The following SLC25A38 variants were observed in gnomAD, a reference collection of about 807,000 sequenced individuals.
SLC25A38 encodes mitochondrial glycine transporter.
SLC25A38 carries 27 observed loss-of-function variants against 33.4 expected under a neutral mutation model. That is an observed-to-expected ratio of 0.81 (90% CI 0.60 to 1.11). SLC25A38 has a LOEUF of 1.11. Ranked by LOEUF, SLC25A38 falls within the 50% of genes most tolerant of loss-of-function variation. SLC25A38 has a pLI of 0.00. For synonymous variants in SLC25A38, 123 were observed against 145.9 expected (o/e 0.84, Z 1.13); for missense variants, 344 against 388.8 (o/e 0.88, Z 0.97).
rs778637011 is a variant in SLC25A38, at chr3:39,391,514, G to T, written c.350G>T (p.Arg117Leu). 1.5e-5 allele frequency: 24 copies of T among 1,614,144 alleles called. No individual in the cohort carries two copies. The highest frequency in any genetic ancestry group is 3.3e-4 in the Middle Eastern group (2 of 6,058). ...TACTCTTTGAAGCAGTATTTCTTGC[G>T]AGGCCATCCCCCAACCGCCCTGGAG... ...TLYSLKQYFL[R>L]GHPPTALESV... Residue 117 changes from arginine to leucine, a missense_variant, in exon 4 of 7, where the codon CGA becomes CTA. Arg to Leu is a moderately radical substitution (Grantham distance 102). Transcript: ENST00000650617.
chr3:39,388,288 T>A (rs1207557316), intron 1 of SLC25A38: 1 of 152,254 alleles, frequency 6.6e-6, no homozygotes, highest in African/African-American at 2.4e-5. Context: ...CACCCTTTGG[T>A]ACTTCAGAAG....
At position 39,392,173 on chromosome 3, in the gene SLC25A38, G is replaced by C. The variant is rs1459839374; in HGVS notation, c.625+152G>C. 234 of 1,036,772 alleles carry C rather than the reference G, an allele frequency of 2.3e-4. 1 individual carries two copies. The East Asian group carries it at 6.0e-3, about 27-fold the overall frequency. 64.2% of individuals were successfully genotyped at this position (1,036,772 alleles called of 1,614,324 possible). A position where few individuals can be genotyped will look rare whatever the true frequency, so the allele number is the denominator to read the frequency against. ...TGTCAGGAACTGGGATGCAAAGGTG[G>C]ATATGACAAACTTGATCCCTGCCCT... On this transcript the variant is annotated intron_variant, in intron 5 of 6. Transcript: ENST00000650617.
At chr3:39,387,682 A>G in intron 1 of SLC25A38, 1 of 152,754 alleles carries the variant, frequency 6.5e-6, no homozygotes, top group Non-Finnish European at 1.5e-5. Context: ...GGGAGAGGCC[A>G]GCCTGGGCTG....
Position 39,396,769 on chromosome 3 carries a change from C to A in SLC25A38, c.*249C>A. 1 of 546,920 alleles carries A rather than the reference C, an allele frequency of 1.8e-6. No homozygotes were observed. The highest frequency in any genetic ancestry group is 2.0e-5 in the South Asian group (1 of 50,272). The allele number at this position is 546,920 out of a possible 1,614,324, so 33.9% of individuals were successfully genotyped here. On this transcript the variant is annotated 3_prime_UTR_variant, in exon 7 of 7. Coordinates refer to ENST00000650617, the MANE Select transcript of SLC25A38 (RefSeq NM_017875.4). ...GGGTGTTAGGAGAGAGCTTTGCATACTCTGAGAGGCTACTTGGAAAGGCAT... is the reference window on the plus strand; with the variant it reads ...GGGTGTTAGGAGAGAGCTTTGCATAATCTGAGAGGCTACTTGGAAAGGCAT...
At chr3:39,384,876 A>G (rs1575241150) in intron 1 of SLC25A38, among the ~76,000 whole-genome samples, 1 of 150,348 alleles carries the variant, frequency 6.7e-6, no homozygotes, top group South Asian at 2.1e-4. Flanking sequence ...TCTCGGCTCA[A>G]CTGCAACCTC....
chr3:39,392,040 C>G lies in SLC25A38; in HGVS notation c.625+19C>G, dbSNP rs1304363200. On this transcript the variant is annotated intron_variant, in intron 5 of 6. Coordinates refer to ENST00000650617, the MANE Select transcript of SLC25A38 (RefSeq NM_017875.4). ...CCTCATGGTAGGGATAAAGGAAGAT[C>G]TGGGGAAGAGCTATCCTTGAGACAT... 1 of 1,614,016 alleles carries G rather than the reference C, an allele frequency of 6.2e-7. No homozygotes were observed. Among genetic ancestry groups the G allele is most frequent in the South Asian group, 1.1e-5 (1 of 91,074 alleles).
At chr3:39,390,642 T>C (rs2041754218) in intron 3 of SLC25A38, 135 bp downstream of exon 3, 1 of 847,352 alleles carries the variant, frequency 1.2e-6, no homozygotes, top group Admixed American at 2.0e-5. Context: ...TTATCTCTCA[T>C]ACTACAACTA....
At chr3:39,391,359 G>A (rs2041764234) in intron 3 of SLC25A38, 82 bp from the exon 4 acceptor site, 1 of 1,589,400 alleles carries the variant, frequency 6.3e-7, no homozygotes, top group African/African-American at 1.3e-5. Context: ...AATCATCTTG[G>A]GGTCTTTTGG....
chr3:39,396,107 G>C lies in SLC25A38; in HGVS notation c.793-291G>C, dbSNP rs894779278. Among the ~76,000 whole-genome samples, 4 of 152,002 alleles carry C rather than the reference G, an allele frequency of 2.6e-5. No homozygotes were observed. The East Asian group carries it at 5.8e-4, about 22-fold the overall frequency. ...CGCCTGTAGTCCCACCTACTCGGAAGGCTGAGGCAGGAGAATCGCTTGAAC... is the reference window on the plus strand; with the variant it reads ...CGCCTGTAGTCCCACCTACTCGGAACGCTGAGGCAGGAGAATCGCTTGAAC... On this transcript the variant is annotated intron_variant, in intron 6 of 6. Transcript: ENST00000650617.
chr3:39,391,404 G>T (rs749117658), intron 3 of SLC25A38, 37 bp from the exon 4 acceptor site: 1 of 1,611,962 alleles, frequency 6.2e-7, no homozygotes. Flanking sequence ...AAAGTGTTTG[G>T]TCTTTGATTT....
At position 39,390,342 on chromosome 3, in the gene SLC25A38, A is replaced by G. The variant is rs1575244497; in HGVS notation, c.192-81A>G. 14 of 1,357,702 alleles carry G rather than the reference A, an allele frequency of 1.0e-5. No homozygotes were observed. The South Asian group carries it at 1.0e-4, about 10-fold the overall frequency. 84.1% of individuals were successfully genotyped at this position (1,357,702 alleles called of 1,614,324 possible). A position where few individuals can be genotyped will look rare whatever the true frequency, so the allele number is the denominator to read the frequency against. On this transcript the variant is annotated intron_variant, in intron 2 of 6. Coordinates refer to ENST00000650617, the MANE Select transcript of SLC25A38 (RefSeq NM_017875.4). ...GTCCTAAAAATGAGTCTATAAAGGA[A>G]GTGTTTGAGTGGGGAATTGTTTTAT...
chr3:39,395,012 A>G (rs986903734), intron 6 of SLC25A38, among the ~76,000 whole-genome samples: 1 of 152,114 alleles, frequency 6.6e-6, no homozygotes, highest in East Asian at 1.9e-4. Context: ...AGTTTGCTCT[A>G]ATATACAGGT....
chr3:39,384,061 C>T (rs1389461167), intron 1 of SLC25A38, among the ~76,000 whole-genome samples: 3 of 152,198 alleles, frequency 2.0e-5, no homozygotes, highest in African/African-American at 7.2e-5. Context: ...CTGGACTGGA[C>T]GCGTGCCGGG....
In SLC25A38 at chr3:39,391,943, G is replaced by A. The variant is rs779119643; in HGVS notation, c.547G>A (p.Ala183Thr). 1.2e-6 allele frequency: 2 copies of A among 1,614,092 alleles called. No homozygotes were observed. The highest frequency in any genetic ancestry group is 1.7e-6 in the Non-Finnish European group (2 of 1,180,038). ...CCGGGGCCTCTTCAGTGGCCTGACA[G>A]CAACTCTCCTTCGAGATGCGCCCTT... ...GHRGLFSGLT[A>T]TLLRDAPFSG... is the part of the protein sequence containing the mutation. Residue 183 changes from alanine to threonine, a missense_variant, in exon 5 of 7, where the codon GCA becomes ACA. This residue lies in a region of SLC25A38 where 269 missense variants were observed against 271.8 expected (regional missense o/e 0.99). Transcript: ENST00000650617.
intron 1 of SLC25A38, among the ~76,000 whole-genome samples, chr3:39,386,413 T>G (rs976687081): frequency 6.6e-6 from 1 of 151,872 alleles, no homozygotes; most frequent in South Asian, 2.1e-4. Context: ...AAACCCCGTC[T>G]CTACAAAAAA....
In SLC25A38 at chr3:39,389,272, C is replaced by T. The variant is rs1341480226; in HGVS notation, c.70-223C>T. 2.4e-5 allele frequency: 18 copies of T among 738,178 alleles called. No individual in the cohort carries two copies. Among genetic ancestry groups the T allele is most frequent in the Admixed American group, 1.4e-4 (7 of 49,932 alleles). 45.7% of individuals were successfully genotyped at this position (738,178 alleles called of 1,614,324 possible). A position where few individuals can be genotyped will look rare whatever the true frequency, so the allele number is the denominator to read the frequency against. Reference sequence around the variant, plus strand: ...CTGAGCAATATGTCTATCAGCAATACGAAGACCAGAGATACCTCTTGCAGC... The same window carrying T: ...CTGAGCAATATGTCTATCAGCAATATGAAGACCAGAGATACCTCTTGCAGC... On this transcript the variant is annotated intron_variant, in intron 1 of 6. Coordinates refer to ENST00000650617, the MANE Select transcript of SLC25A38 (RefSeq NM_017875.4). This position sits in a 1 kb window ranked among gnomAD's most constrained non-coding sequence, Gnocchi z 4.5.
At chr3:39,396,067 G>A (rs1171684834) in intron 6 of SLC25A38, among the ~76,000 whole-genome samples, 4 of 151,990 alleles carry the variant, frequency 2.6e-5, no homozygotes, top group Admixed American at 6.6e-5. Flanking sequence ...AAAATTAGCC[G>A]GGCGTGGTGG....
rs776723536 is a variant in SLC25A38, at chr3:39,391,517, G to A, written c.353G>A (p.Gly118Asp). The A allele has an allele frequency of 6.2e-7, 1 of 1,614,166 alleles. No homozygotes were observed. The highest frequency in any genetic ancestry group is 8.5e-7 in the Non-Finnish European group (1 of 1,180,034). The change falls in exon 4 of 7, where the codon GGC (glycine) becomes GAC (aspartate). Residue 118 changes from glycine (G) to aspartate (D), a missense_variant. Gly to Asp is a moderately conservative substitution (Grantham distance 94). This residue lies in a region of SLC25A38 where 269 missense variants were observed against 271.8 expected (regional missense o/e 0.99). Coordinates refer to ENST00000650617, the MANE Select transcript of SLC25A38 (RefSeq NM_017875.4). ...TCTTTGAAGCAGTATTTCTTGCGAGGCCATCCCCCAACCGCCCTGGAGTCA... is the reference window on the plus strand; with the variant it reads ...TCTTTGAAGCAGTATTTCTTGCGAGACCATCCCCCAACCGCCCTGGAGTCA... Reference protein sequence around the residue: ...LYSLKQYFLRGHPPTALESVM... With the variant: ...LYSLKQYFLRDHPPTALESVM...
At chr3:39,388,641 T>TTATC (rs2041729622) in intron 1 of SLC25A38, among the ~76,000 whole-genome samples, 1 of 152,076 alleles carries the variant, frequency 6.6e-6, no homozygotes, top group African/African-American at 2.4e-5. Flanking sequence ...AGCTATTTGT[T>TTATC]TATTTATTTA....
Sources: gnomAD v4.1 joint callset for allele counts (sites outside exome capture counted in the v4.1 genomes callset) on GRCh38, gnomAD v4.1.1 for gene constraint, gnomAD v4.1.1 regional missense constraint, Gnocchi (gnomAD v3.1) non-coding constraint, MANE v1.5 for transcripts, NCBI Gene and HGNC (gene_info 2026-07-23, HGNC 2026-07-21) for gene names.